The following MEF2C variants were observed in gnomAD, a reference collection of about 807,000 sequenced individuals.
MEF2C encodes myocyte-specific enhancer factor 2C.
Under a neutral mutation model 50.5 loss-of-function variants are expected in MEF2C, and 6 were observed. The ratio of observed to expected loss-of-function variants is 0.12; its 90% CI spans 0.07 to 0.23. The LOEUF (loss-of-function observed/expected upper bound fraction) is 0.23, where lower values mean the gene tolerates loss of function less well. Among genes scored for constraint, MEF2C ranks in the 10% least tolerant of loss-of-function variants. The probability of loss-of-function intolerance (pLI) is 1.00; values close to 1 mark genes in which losing one functional copy is unlikely to be tolerated. For synonymous variants in MEF2C, 183 were observed against 228.0 expected (o/e 0.80, Z 1.78); for missense variants, 276 against 605.0 (o/e 0.46, Z 5.70).
chr5:88,884,190 A>G (rs1352382367), upstream of MEF2C: 3 of 152,256 alleles, frequency 2.0e-5, no homozygotes, highest in African/African-American at 7.2e-5. Flanking sequence ...CCAGCAGGAA[A>G]GTCCTTCTAA....
intron 2 of MEF2C, among the ~76,000 whole-genome samples, chr5:88,822,636 A>C (rs1410447684): frequency 6.6e-6 from 1 of 152,016 alleles, no homozygotes; most frequent in Non-Finnish European, 1.5e-5. Flanking sequence ...CACATGAAAC[A>C]ACATTACATT....
intron 1 of MEF2C, among the ~76,000 whole-genome samples, chr5:88,902,286 T>C (rs1302302557): frequency 6.6e-6 from 1 of 151,744 alleles, no homozygotes; most frequent in African/African-American, 2.4e-5. Context: ...TAATGAAGCA[T>C]GACAAAATAT....
chr5:88,760,861 G>T, intron 4 of MEF2C: 2 of 1,031,510 alleles, frequency 1.9e-6, no homozygotes, highest in Non-Finnish European at 2.8e-6. Flanking sequence ...TGAGCTGCCC[G>T]TGGGATGAGA....
intron 10 of MEF2C, among the ~76,000 whole-genome samples, chr5:88,725,759 A>G (rs1203354709): frequency 2.0e-5 from 3 of 152,166 alleles, no homozygotes; most frequent in Non-Finnish European, 4.4e-5. Flanking sequence ...AAATTAGACT[A>G]TCAAACTATA....
chr5:88,868,745 C>T (rs909790613), intron 1 of MEF2C, among the ~76,000 whole-genome samples: 5 of 151,994 alleles, frequency 3.3e-5, no homozygotes, highest in African/African-American at 7.3e-5. Flanking sequence ...GCAAATATTC[C>T]GAATTACCCA....
chr5:88,724,116 G>A (rs1336403503), intron 10 of MEF2C, among the ~76,000 whole-genome samples: 1 of 152,054 alleles, frequency 6.6e-6, no homozygotes, highest in Non-Finnish European at 1.5e-5. Flanking sequence ...TTTTACTGAG[G>A]AAGAATCCAA....
intron 1 of MEF2C, among the ~76,000 whole-genome samples, chr5:88,846,779 C>G (rs1207561110): frequency 6.6e-6 from 1 of 152,132 alleles, no homozygotes; most frequent in African/African-American, 2.4e-5. Context: ...TATGTTTTTC[C>G]AAAATATAGA....
chr5:88,788,615 T>C (rs1004092285), intron 3 of MEF2C, among the ~76,000 whole-genome samples: 1 of 152,216 alleles, frequency 6.6e-6, no homozygotes, highest in African/African-American at 2.4e-5. Context: ...TGGGAGCCAC[T>C]AGTCACATCT....
intron 6 of MEF2C, 103 bp from the exon 7 acceptor site, chr5:88,732,004 C>T (rs1285271271): frequency 4.7e-6 from 5 of 1,059,074 alleles, no homozygotes; most frequent in East Asian, 2.6e-5. Context: ...AATGGTAAGA[C>T]GTACATTGCA....
chr5:88,731,242 T>C (rs1761407534), intron 7 of MEF2C, among the ~76,000 whole-genome samples: 1 of 152,178 alleles, frequency 6.6e-6, no homozygotes, highest in African/African-American at 2.4e-5. Flanking sequence ...GTATTAGATA[T>C]AATCATTGCA....
intron 3 of MEF2C, among the ~76,000 whole-genome samples, chr5:88,790,378 C>T (rs1315055892): frequency 6.6e-6 from 1 of 152,206 alleles, no homozygotes; most frequent in Non-Finnish European, 1.5e-5. Flanking sequence ...ATCACCTGGT[C>T]AGAAATAAAG....
At chr5:88,810,190 T>C (rs1240793810) in intron 2 of MEF2C, among the ~76,000 whole-genome samples, 1 of 152,116 alleles carries the variant, frequency 6.6e-6, no homozygotes, top group African/African-American at 2.4e-5. Context: ...TTTAAATAAT[T>C]TAATCTCTCA....
At chr5:88,883,325 GAGGAGGAAGAGA>G (rs1483484532), upstream of MEF2C, 2 of 153,160 alleles carry the variant, frequency 1.3e-5, no homozygotes, top group East Asian at 3.9e-4. Flanking sequence ...GAGGAAGAAG[GAGGAGGAAGAGA>G]AGGAGGAGGA....
intron 1 of MEF2C, among the ~76,000 whole-genome samples, chr5:88,903,192 C>T (rs952184686): frequency 2.6e-5 from 4 of 151,606 alleles, no homozygotes; most frequent in African/African-American, 4.8e-5. Flanking sequence ...TATAAATATA[C>T]GAATTTTGGA....
intron 2 of MEF2C, among the ~76,000 whole-genome samples, chr5:88,811,318 CATT>C (rs1337349807): frequency 6.6e-6 from 1 of 152,034 alleles, no homozygotes; most frequent in African/African-American, 2.4e-5. Flanking sequence ...AATTAGTAAG[CATT>C]GTTGAAAATT....
intron 1 of MEF2C, among the ~76,000 whole-genome samples, chr5:88,846,310 C>A (rs1369793170): frequency 3.3e-5 from 5 of 152,090 alleles, no homozygotes; most frequent in Non-Finnish European, 7.4e-5. Flanking sequence ...TCAGATGATC[C>A]ACCCACCTCT....
At chr5:88,770,029 G>C (rs1434484120) in intron 3 of MEF2C, 2 of 983,282 alleles carry the variant, frequency 2.0e-6, no homozygotes, top group Non-Finnish European at 2.4e-6. Flanking sequence ...TTGAAGAATG[G>C]GCAATGTTAG....
chr5:88,782,244 G>A, intron 3 of MEF2C: 2 of 754,134 alleles, frequency 2.7e-6, no homozygotes, highest in Non-Finnish European at 3.2e-6. Flanking sequence ...GAGGTGGGAG[G>A]ATCACTTGAG....
chr5:88,775,868 T>G (rs1784510338), intron 3 of MEF2C: 1 of 951,974 alleles, frequency 1.1e-6, no homozygotes, highest in Non-Finnish European at 1.3e-6. Flanking sequence ...ACATTTTATT[T>G]TTTTATCTCA....
Sources: allele counts gnomAD v4.1 joint callset (sites outside exome capture counted in the v4.1 genomes callset), GRCh38; gene constraint gnomAD v4.1.1; transcripts MANE v1.5; gene names NCBI Gene and HGNC (gene_info 2026-07-23, HGNC 2026-07-21).